The following SBF2 variants were observed in gnomAD, a reference collection of about 807,000 sequenced individuals.
SBF2 encodes SET binding factor 2.
SBF2 carries 112 observed loss-of-function variants against 225.2 expected under a neutral mutation model. The observed-to-expected ratio is 0.50, with a 90% CI of 0.43 to 0.58. The LOEUF is 0.58. SBF2 is among the 20% of genes least tolerant of loss of function. SBF2 has a pLI of 0.00. For synonymous variants in SBF2, 763 were observed against 773.3 expected (o/e 0.99, Z 0.22); for missense variants, 1,996 against 2,206.2 (o/e 0.90, Z 1.91).
intron 1 of SBF2, among the ~76,000 whole-genome samples, chr11:10,286,602 C>T (rs1565437556): frequency 1.3e-5 from 2 of 152,130 alleles, no homozygotes; most frequent in Non-Finnish European, 2.9e-5. Context: ...TCGTGATCCA[C>T]CCACCTTGGC....
chr11:10,164,324 AC>A (rs1317293320), intron 2 of SBF2, among the ~76,000 whole-genome samples: 1 of 152,202 alleles, frequency 6.6e-6, no homozygotes, highest in Non-Finnish European at 1.5e-5. Flanking sequence ...AAAAAAATTC[AC>A]TTTATTAATT....
At chr11:10,265,224 C>T (rs771300900) in intron 1 of SBF2, among the ~76,000 whole-genome samples, 3 of 152,100 alleles carry the variant, frequency 2.0e-5, no homozygotes, top group East Asian at 1.9e-4. Flanking sequence ...CCTATTTCTC[C>T]GCATCCTCTC....
At chr11:9,895,342 G>A (rs1177702930) in intron 17 of SBF2, among the ~76,000 whole-genome samples, 1 of 152,168 alleles carries the variant, frequency 6.6e-6, no homozygotes, top group Non-Finnish European at 1.5e-5. Flanking sequence ...CTGAGTGTGG[G>A]TGGTTATCTA....
At chr11:9,938,689 A>G (rs1255104637) in intron 16 of SBF2, among the ~76,000 whole-genome samples, 1 of 152,198 alleles carries the variant, frequency 6.6e-6, no homozygotes, top group Non-Finnish European at 1.5e-5. Context: ...ATAACTGGCC[A>G]TTCTTTCAGA....
intron 19 of SBF2, among the ~76,000 whole-genome samples, chr11:9,856,075 T>C (rs1193264754): frequency 1.3e-5 from 2 of 152,002 alleles, no homozygotes; most frequent in Non-Finnish European, 2.9e-5. Flanking sequence ...GAAGGCATGG[T>C]TGAGGGTATG....
intron 2 of SBF2, among the ~76,000 whole-genome samples, chr11:10,085,455 T>A (rs1951528099): frequency 6.6e-6 from 1 of 152,174 alleles, no homozygotes; most frequent in South Asian, 2.1e-4. Flanking sequence ...CTAATTTATG[T>A]TTATTTCAAT....
At chr11:9,809,854 G>A (rs1301715230) in intron 30 of SBF2, among the ~76,000 whole-genome samples, 1 of 151,974 alleles carries the variant, frequency 6.6e-6, no homozygotes, top group African/African-American at 2.4e-5. Flanking sequence ...CCTATTTCAG[G>A]TATTCTTAAT....
At chr11:10,175,388 A>G (rs1363822724) in intron 2 of SBF2, among the ~76,000 whole-genome samples, 6 of 150,436 alleles carry the variant, frequency 4.0e-5, no homozygotes, top group African/African-American at 1.2e-4. Flanking sequence ...CAGACTTTAA[A>G]CCAACAAAGA....
intron 16 of SBF2, among the ~76,000 whole-genome samples, chr11:9,955,871 T>TA (rs11454412): frequency 0.38 from 57,574 of 151,862 alleles, 11,625 homozygotes; most frequent in Admixed American, 0.45. Context: ...ACCTTAGTTT[T>TA]AAAAAAATAC....
chr11:9,868,570 T>C (rs1858445042), intron 17 of SBF2, among the ~76,000 whole-genome samples: 1 of 152,134 alleles, frequency 6.6e-6, no homozygotes, highest in South Asian at 2.1e-4. Context: ...TGTTTTTCTG[T>C]TATTTTTACA....
rs75948443 is a variant in SBF2 at position 10,168,631 on chromosome 11, G to C, written c.141+25271C>G. 4.6e-5 allele frequency among the ~76,000 whole-genome samples: 7 copies of C among 152,158 alleles called. No individual in the cohort carries two copies. The East Asian group carries it at 1.2e-3, about 25-fold the overall frequency. ...ATGTACCTTCCGGAAATTTTAAAGAGGCCAGAATCAGTCTAAAAGAATCTG... is the reference window on the plus strand; with the variant it reads ...ATGTACCTTCCGGAAATTTTAAAGACGCCAGAATCAGTCTAAAAGAATCTG... On this transcript the variant is annotated intron_variant, in intron 2 of 39. Transcript: ENST00000256190.
intron 1 of SBF2, among the ~76,000 whole-genome samples, chr11:10,227,052 G>C (rs1465472135): frequency 1.3e-5 from 2 of 152,194 alleles, no homozygotes; most frequent in Non-Finnish European, 2.9e-5. Flanking sequence ...TGGTGGTTTT[G>C]ATTTGCATTT....
Position 9,842,763 on chromosome 11 carries a change from A to G in SBF2, c.3118T>C (p.Ser1040Pro), listed in dbSNP as rs1475356604. The part of the protein sequence containing the change: ...KEKNTSFRTF[S>P]KTIVKGAKRA... Reference sequence around the variant, plus strand: ...TTGGCACCTTTCACAATTGTTTTTGAGAAGGTACTACAAGTCATAAAACCA... The same window carrying G: ...TTGGCACCTTTCACAATTGTTTTTGGGAAGGTACTACAAGTCATAAAACCA... Residue 1040 changes from serine (S) to proline (P), a missense_variant, in exon 25 of 40, where the codon TCA (serine) becomes CCA (proline). Transcript: ENST00000256190. The G allele has an allele frequency of 6.2e-7, 1 of 1,613,912 alleles. No individual in the cohort carries two copies. Among genetic ancestry groups the G allele is most frequent in the Non-Finnish European group, 8.5e-7 (1 of 1,179,988 alleles).
At chr11:9,968,237 A>C in intron 14 of SBF2, 104 bp downstream of exon 14, 1 of 964,878 alleles carries the variant, frequency 1.0e-6, no homozygotes, top group South Asian at 1.3e-5. Flanking sequence ...TAGCTACAGG[A>C]GTTTGTTCAC....
chr11:9,853,554 T>C lies in SBF2; in HGVS notation c.2522A>G (p.His841Arg), dbSNP rs751504575. Residue 841 changes from histidine (H) to arginine (R), a missense_variant, in exon 20 of 40, where the codon CAT (histidine) becomes CGT (arginine). By Grantham distance (29) the His-to-Arg change is conservative. Transcript: ENST00000256190. ...AGAGTGATTACCTGGTATCATGCAATGAAGGCTCTTGATGTGATCCTGAGT... is the reference window on the plus strand; with the variant it reads ...AGAGTGATTACCTGGTATCATGCAACGAAGGCTCTTGATGTGATCCTGAGT... ...GVTQDHIKSL[H>R]CMIPGIVAMH... 1.9e-6 allele frequency: 3 copies of C among 1,613,954 alleles called. No homozygotes were observed. The Admixed American group carries it at 5.0e-5, about 27-fold the overall frequency.
At chr11:10,192,618 T>C (rs1022710374) in intron 2 of SBF2, among the ~76,000 whole-genome samples, 5 of 152,220 alleles carry the variant, frequency 3.3e-5, no homozygotes, top group African/African-American at 4.8e-5. Flanking sequence ...ACTTTATCTT[T>C]ACAACAACCT....
At chr11:9,991,977 CTTTAAAAATAAGACTT>C (rs1381207718) in intron 12 of SBF2, among the ~76,000 whole-genome samples, 10 of 152,006 alleles carry the variant, frequency 6.6e-5, no homozygotes, top group Non-Finnish European at 1.5e-4. Flanking sequence ...GTATTAGGGC[CTTTAAAAATAAGACTT>C]CTATTTATAC....
chr11:9,951,172 A>C (rs1251931374), intron 16 of SBF2, among the ~76,000 whole-genome samples: 2 of 152,166 alleles, frequency 1.3e-5, no homozygotes, highest in African/African-American at 4.8e-5. Flanking sequence ...AGGAGGAAGA[A>C]ACAGTGTTCC....
intron 1 of SBF2, among the ~76,000 whole-genome samples, chr11:10,277,539 G>C (rs1236486323): frequency 6.6e-6 from 1 of 152,180 alleles, no homozygotes; most frequent in Non-Finnish European, 1.5e-5. Context: ...TGTGTTTGTG[G>C]TGAGTTGAAT....
Sources: allele counts gnomAD v4.1 joint callset (sites outside exome capture counted in the v4.1 genomes callset), GRCh38; gene constraint gnomAD v4.1.1; transcripts MANE v1.5; gene names NCBI Gene and HGNC (gene_info 2026-07-23, HGNC 2026-07-21).